DACH2: variants seen among roughly 807,000 people sequenced by gnomAD.
DACH2 encodes the protein dachshund homolog 2.
In DACH2, 17 loss-of-function variants were observed where a neutral mutation model predicts 35.8. The observed-to-expected ratio is 0.48, with a 90% confidence interval of 0.33 to 0.71. The LOEUF (loss-of-function observed/expected upper bound fraction) is 0.71, where lower values mean the gene tolerates loss of function less well. DACH2 is among the 30% of genes least tolerant of loss of function. The pLI is 0.02. For missense variants in DACH2, 469 were observed against 472.7 expected (o/e 0.99, Z 0.07); for synonymous variants, 195 against 177.3 (o/e 1.10, Z -0.79).
intron 7 of DACH2, among the ~76,000 whole-genome samples, chrX:86,811,859 C>A (rs2042397920): frequency 8.9e-6 from 1 of 111,813 alleles, no homozygotes; most frequent in Non-Finnish European, 1.9e-5. Context: ...TTAGGTATAT[C>A]TGTTTTAAAG....
intron 6 of DACH2, among the ~76,000 whole-genome samples, chrX:86,732,478 G>A (rs1672419124): frequency 8.9e-6 from 1 of 112,215 alleles, no homozygotes; most frequent in South Asian, 3.6e-4. Context: ...TAAATAAGAT[G>A]CATTCAGAAG....
At chrX:86,410,443 G>T (rs2036591573) in intron 2 of DACH2, among the ~76,000 whole-genome samples, 1 of 110,935 alleles carries the variant, frequency 9.0e-6, no homozygotes, top group African/African-American at 3.3e-5. Context: ...TTAATATTTT[G>T]GTCTTGTGAA....
chrX:86,540,002 G>A (rs1441261292), intron 3 of DACH2, among the ~76,000 whole-genome samples: 2 of 111,475 alleles, frequency 1.8e-5, no homozygotes, highest in Non-Finnish European at 3.8e-5. Context: ...TTAATTAAAA[G>A]TGTGAATGAT....
intron 1 of DACH2, among the ~76,000 whole-genome samples, chrX:86,344,850 C>G (rs1272835871): frequency 9.0e-6 from 1 of 111,578 alleles, no homozygotes; most frequent in Non-Finnish European, 1.9e-5. Flanking sequence ...TGGTTAACTT[C>G]TTTTTACAGG....
intron 2 of DACH2, among the ~76,000 whole-genome samples, chrX:86,405,556 T>A: frequency 9.0e-6 from 1 of 111,514 alleles, no homozygotes; most frequent in Non-Finnish European, 1.9e-5. Context: ...CTCTAGGACG[T>A]CCAAACTTTC....
chrX:86,436,249 A>C (rs770491870), intron 2 of DACH2, among the ~76,000 whole-genome samples: 9 of 110,575 alleles, frequency 8.1e-5, no homozygotes, highest in Non-Finnish European at 1.7e-4. Context: ...CAAGGGCATA[A>C]CTGAAACTCT....
chrX:86,632,232 C>T lies in DACH2; in HGVS notation c.641-18804C>T, dbSNP rs190235896. On this transcript the variant is annotated intron_variant, in intron 3 of 11. Coordinates refer to ENST00000373125, the MANE Select transcript of DACH2 (RefSeq NM_053281.3). ...CACTCAGGCAAAAAGGCTTCATTAC[C>T]TCCATTTGGCATGGAACGCCATCCA... 5.4e-5 allele frequency among the ~76,000 whole-genome samples: 6 copies of T among 111,229 alleles called. No homozygotes were observed. In the East Asian group the frequency reaches 1.1e-3, roughly 21 times the overall value.
chrX:86,789,942 T>A (rs2042172231), intron 7 of DACH2, among the ~76,000 whole-genome samples: 1 of 111,608 alleles, frequency 9.0e-6, no homozygotes, highest in Admixed American at 9.5e-5. Flanking sequence ...CAAAGGAAAA[T>A]TACAATGAAT....
chrX:86,350,187 G>T (rs1386976257), intron 1 of DACH2, among the ~76,000 whole-genome samples: 5 of 17,212 alleles, frequency 2.9e-4, no homozygotes, highest in African/African-American at 3.6e-4. Flanking sequence ...ACAAGTGTCT[G>T]TTCATGTCCT....
At chrX:86,815,729 G>A in intron 10 of DACH2, among the ~76,000 whole-genome samples, 1 of 107,568 alleles carries the variant, frequency 9.3e-6, no homozygotes, top group African/African-American at 3.4e-5. Flanking sequence ...ATGGGGGCAA[G>A]TTAACCTGAT....
intron 2 of DACH2, among the ~76,000 whole-genome samples, chrX:86,398,470 A>C (rs1445687692): frequency 1.8e-5 from 2 of 111,330 alleles, no homozygotes; most frequent in African/African-American, 6.5e-5. Flanking sequence ...TAGTTCTTTT[A>C]ATTGTGATGT....
chrX:86,322,481 C>CA (rs2035034090), intron 1 of DACH2, among the ~76,000 whole-genome samples: 1 of 111,434 alleles, frequency 9.0e-6, no homozygotes, highest in African/African-American at 3.3e-5. Flanking sequence ...TCCTTGGTCC[C>CA]TGGGTCCTAG....
chrX:86,517,397 C>G (rs1345733399), intron 3 of DACH2, among the ~76,000 whole-genome samples: 8 of 108,416 alleles, frequency 7.4e-5, no homozygotes, highest in Non-Finnish European at 1.5e-4. Context: ...TGGAAAGTGT[C>G]TGCTCGTGTC....
chrX:86,372,093 C>A (rs908565785), intron 1 of DACH2, among the ~76,000 whole-genome samples: 1 of 110,833 alleles, frequency 9.0e-6, no homozygotes, highest in South Asian at 3.8e-4. Flanking sequence ...TCGATCTTTT[C>A]GAATTTTAAA....
intron 2 of DACH2, among the ~76,000 whole-genome samples, chrX:86,397,175 G>A (rs867165562): frequency 2.7e-5 from 3 of 110,783 alleles, no homozygotes; most frequent in Non-Finnish European, 3.8e-5. Context: ...GTTCACTCAT[G>A]ATTTGGCTCT....
At chrX:86,355,935 C>T (rs75497092) in intron 1 of DACH2, among the ~76,000 whole-genome samples, 1 of 109,203 alleles carries the variant, frequency 9.2e-6, no homozygotes, top group Non-Finnish European at 1.9e-5. Context: ...AAATATTAGA[C>T]CTTTGTTAGA....
intron 7 of DACH2, among the ~76,000 whole-genome samples, chrX:86,768,751 G>A (rs1390353007): frequency 2.7e-5 from 3 of 111,097 alleles, no homozygotes; most frequent in Non-Finnish European, 5.7e-5. Flanking sequence ...TACCCAAATA[G>A]TGAACATAAA....
intron 2 of DACH2, among the ~76,000 whole-genome samples, chrX:86,502,030 C>CCTTT (rs1403776163): frequency 4.6e-5 from 5 of 107,586 alleles, no homozygotes; most frequent in Non-Finnish European, 7.7e-5. Flanking sequence ...TTCCTTCCTT[C>CCTTT]CTTCCTTCCT....
At chrX:86,274,534 G>T (rs1602344239) in intron 1 of DACH2, among the ~76,000 whole-genome samples, 1 of 74,797 alleles carries the variant, frequency 1.3e-5, no homozygotes, top group East Asian at 5.1e-4. Context: ...TCGCTCTGTC[G>T]CCCAGGCTGG....
Sources: gnomAD v4.1 joint callset for allele counts (sites outside exome capture counted in the v4.1 genomes callset) on GRCh38, gnomAD v4.1.1 for gene constraint, MANE v1.5 for transcripts, NCBI Gene and HGNC (gene_info 2026-07-23, HGNC 2026-07-21) for gene names.